ANKRD30A: variants seen among roughly 807,000 people sequenced by gnomAD.
The protein encoded by ANKRD30A is ankyrin repeat domain-containing protein 30A.
A neutral mutation model predicts 166.3 loss-of-function variants in ANKRD30A; 170 were observed. That is an observed-to-expected ratio of 1.02 (90% confidence interval 0.90 to 1.16). The LOEUF is 1.16. ANKRD30A is among the 50% of genes most tolerant of loss of function. The pLI, the probability that ANKRD30A is intolerant of heterozygous loss-of-function variation, is 0.00. For missense variants in ANKRD30A, 1,630 were observed against 1,518.0 expected, an observed-to-expected ratio of 1.07 and a Z score of -1.23; for synonymous variants, 564 against 508.9, an observed-to-expected ratio of 1.11 and a Z score of -1.46.
chr10:37,143,259 T>C (rs78200682), intron 7 of ANKRD30A, among the ~76,000 whole-genome samples: 271 of 122,158 alleles, frequency 2.2e-3, no homozygotes, highest in Middle Eastern at 4.5e-3. Context: ...CATTGGAAAA[T>C]TTTGAGCAGG....
chr10:37,134,356 A>C (rs778704768), intron 5 of ANKRD30A, among the ~76,000 whole-genome samples: 1 of 152,208 alleles, frequency 6.6e-6, no homozygotes, highest in Non-Finnish European at 1.5e-5. Flanking sequence ...TTTTTTAAAA[A>C]AAATCTAAGG....
At chr10:37,199,116 A>G (rs1841403855) in intron 29 of ANKRD30A, among the ~76,000 whole-genome samples, 1 of 152,070 alleles carries the variant, frequency 6.6e-6, no homozygotes, top group South Asian at 2.1e-4. Context: ...TGTCATTGTA[A>G]TTAAAGCAGT....
At chr10:37,237,858 G>T in the ANKRD30A span, among the ~76,000 whole-genome samples, 1 of 152,024 alleles carries the variant, frequency 6.6e-6, no homozygotes, top group African/African-American at 2.4e-5. Context: ...ATTTGTACCA[G>T]GTACTGTATG....
chr10:37,155,952 G>T (rs907609574), intron 13 of ANKRD30A, among the ~76,000 whole-genome samples: 2 of 151,910 alleles, frequency 1.3e-5, no homozygotes, highest in Non-Finnish European at 2.9e-5. Context: ...GTGGTGGTGG[G>T]TGCCTGTAGT....
intron 24 of ANKRD30A, among the ~76,000 whole-genome samples, chr10:37,182,561 TTTTC>T (rs1171549832): frequency 1.3e-4 from 9 of 66,668 alleles, no homozygotes; most frequent in Admixed American, 3.6e-4. Flanking sequence ...ATGTCTTAAA[TTTTC>T]TTTTTTTTTG....
At chr10:37,197,351 A>G (rs2132679353) in intron 28 of ANKRD30A, 42 bp downstream of exon 28, 8 of 1,612,992 alleles carry the variant, frequency 5.0e-6, no homozygotes, top group Middle Eastern at 3.6e-4. Context: ...CTTATTAACT[A>G]TGTATTTTGT....
intron 31 of ANKRD30A, among the ~76,000 whole-genome samples, chr10:37,214,256 G>A (rs1167401407): frequency 1.3e-5 from 2 of 151,424 alleles, no homozygotes; most frequent in Non-Finnish European, 3.0e-5. Flanking sequence ...TGTTAGTGTG[G>A]TATATGTTGT....
chr10:37,237,528 G>A (rs1843715807), downstream of ANKRD30A, among the ~76,000 whole-genome samples: 1 of 152,038 alleles, frequency 6.6e-6, no homozygotes, highest in Non-Finnish European at 1.5e-5. Context: ...TATTGTTTAT[G>A]CGAGAGCCTT....
At chr10:37,164,062 C>T (rs899982407) in intron 17 of ANKRD30A, among the ~76,000 whole-genome samples, 5 of 147,422 alleles carry the variant, frequency 3.4e-5, no homozygotes, top group Non-Finnish European at 6.0e-5. Context: ...TTTGAGTTTC[C>T]TGGACCCTCT....
Position 37,135,060 on chromosome 10 carries a change from G to A in ANKRD30A, c.755+1007G>A, listed in dbSNP as rs775987333. ...CTCAAGTGATTCTTTTTTCCTAAAA[G>A]TAAAAATCTCCCATGCTACTTGCAT... is the stretch of plus-strand genomic sequence containing the variant. On this transcript the variant is annotated intron_variant, in intron 5 of 35. Transcript: ENST00000361713. Among the ~76,000 whole-genome samples, 57 of 152,086 alleles carry A rather than the reference G, an allele frequency of 3.7e-4. 1 individual carries two copies. Among genetic ancestry groups the A allele is most frequent in the Admixed American group, 1.7e-3 (26 of 15,272 alleles).
At chr10:37,220,189 T>C (rs1228685193) in intron 34 of ANKRD30A, among the ~76,000 whole-genome samples, 1 of 150,424 alleles carries the variant, frequency 6.6e-6, no homozygotes, top group East Asian at 1.9e-4. Flanking sequence ...TTTTAATAGA[T>C]TAACATTAAT....
intron 25 of ANKRD30A, among the ~76,000 whole-genome samples, chr10:37,192,698 A>C (rs920353349): frequency 4.6e-5 from 7 of 151,974 alleles, no homozygotes; most frequent in Non-Finnish European, 8.8e-5. Flanking sequence ...TTAGTCATTT[A>C]TTCTGTTTTG....
intron 27 of ANKRD30A, among the ~76,000 whole-genome samples, chr10:37,196,873 A>C (rs555541877): frequency 6.6e-6 from 1 of 152,228 alleles, no homozygotes; most frequent in African/African-American, 2.4e-5. Context: ...TTGTACATTC[A>C]GCTGAACTCT....
downstream of ANKRD30A, among the ~76,000 whole-genome samples, chr10:37,236,059 C>T (rs1014569184): frequency 4.6e-5 from 7 of 152,088 alleles, no homozygotes; most frequent in African/African-American, 7.2e-5. Context: ...TGAGCCACCG[C>T]GCCGGGCCTG....
rs1420299304 is a variant in ANKRD30A, at chr10:37,219,006, T to C, written c.3294T>C (p.Asn1098=). The stretch of plus-strand genomic sequence containing the variant: ...TTTCTCACACTCATGAAAATGAAAA[T>C]TATCTCTTACATGAAAATTGCATGT... The part of the protein sequence containing the change: ...NQVSHTHENE[N]YLLHENCMLK... Residue 1098 remains asparagine, a synonymous_variant, in exon 34 of 36, where the codon AAT becomes AAC. Coordinates refer to ENST00000361713, the MANE Select transcript of ANKRD30A (RefSeq NM_052997.3). 2.5e-6 allele frequency: 4 copies of C among 1,588,078 alleles called. No homozygotes were observed. The South Asian group carries it at 4.6e-5, about 18-fold the overall frequency.
intron 31 of ANKRD30A, among the ~76,000 whole-genome samples, chr10:37,215,821 TC>T (rs1842572854): frequency 6.6e-6 from 1 of 151,462 alleles, no homozygotes; most frequent in Admixed American, 6.6e-5. Context: ...ATGCTTTTCT[TC>T]CCCCTTTGCT....
At chr10:37,205,940 G>A (rs1368286841) in intron 31 of ANKRD30A, among the ~76,000 whole-genome samples, 2 of 152,122 alleles carry the variant, frequency 1.3e-5, no homozygotes, top group Non-Finnish European at 2.9e-5. Flanking sequence ...AGAGCAATTG[G>A]ATAGAATGTC....
chr10:37,155,117 G>C (rs1373981353), intron 13 of ANKRD30A, among the ~76,000 whole-genome samples: 1 of 152,018 alleles, frequency 6.6e-6, no homozygotes, highest in Non-Finnish European at 1.5e-5. Context: ...TTTATGACTT[G>C]AATACTTAAA....
chr10:37,149,268 G>A (rs749152101), intron 9 of ANKRD30A, among the ~76,000 whole-genome samples: 7 of 151,974 alleles, frequency 4.6e-5, no homozygotes, highest in Admixed American at 6.6e-5. Context: ...TCATAACTAT[G>A]TACTTTTCCA....
Sources: gnomAD v4.1 joint callset for allele counts (sites outside exome capture counted in the v4.1 genomes callset) on GRCh38, gnomAD v4.1.1 for gene constraint, MANE v1.5 for transcripts, NCBI Gene and HGNC (gene_info 2026-07-23, HGNC 2026-07-21) for gene names.